CAMSAP2: variants seen among roughly 807,000 people sequenced by gnomAD.
The protein encoded by CAMSAP2 is calmodulin regulated spectrin associated protein family member 2.
CAMSAP2 carries 26 observed loss-of-function variants against 146.1 expected under a neutral mutation model. That is an observed-to-expected ratio of 0.18 (90% CI 0.13 to 0.25). CAMSAP2 has a LOEUF of 0.25. Among genes scored for constraint, CAMSAP2 ranks in the 10% least tolerant of loss-of-function variants. CAMSAP2 has a pLI of 1.00. For synonymous variants in CAMSAP2, 499 were observed against 596.6 expected (o/e 0.84, Z 2.38); for missense variants, 1,381 against 1,759.3 (o/e 0.78, Z 3.85).
intron 1 of CAMSAP2, among the ~76,000 whole-genome samples, chr1:200,754,771 A>G (rs1263260563): frequency 6.6e-6 from 1 of 151,582 alleles, no homozygotes; most frequent in Non-Finnish European, 1.5e-5. Flanking sequence ...TTTAGTAGAG[A>G]CGGGGTTTCA....
intron 1 of CAMSAP2, among the ~76,000 whole-genome samples, chr1:200,759,911 A>C (rs185448295): frequency 1.4e-3 from 209 of 152,332 alleles, no homozygotes; most frequent in Admixed American, 2.5e-3. Flanking sequence ...AAAACTTGTA[A>C]AACAATGAGA....
At chr1:200,798,316 A>T (rs1316589688) in intron 2 of CAMSAP2, among the ~76,000 whole-genome samples, 4 of 122,616 alleles carry the variant, frequency 3.3e-5, no homozygotes, top group Non-Finnish European at 6.5e-5. Flanking sequence ...ATGTTCTTCC[A>T]TTTGTTTGTA....
At chr1:200,830,685 A>G (rs560670656) in intron 4 of CAMSAP2, among the ~76,000 whole-genome samples, 4 of 152,312 alleles carry the variant, frequency 2.6e-5, no homozygotes, top group African/African-American at 9.6e-5. Context: ...CTTAGCTGCA[A>G]AGTGAGGAAT....
chr1:200,759,568 C>T (rs979594128), intron 1 of CAMSAP2, among the ~76,000 whole-genome samples: 6 of 152,192 alleles, frequency 3.9e-5, no homozygotes, highest in South Asian at 2.1e-4. Context: ...TGAGCCACCG[C>T]GCCCAGCTGC....
rs11342306 is a variant in CAMSAP2, at chr1:200,750,627, C to CT, written c.140-10198dup. Among the ~76,000 whole-genome samples the CT allele has an allele frequency of 8.2e-4, 117 of 143,062 alleles. 1 individual carries two copies. The highest frequency in any genetic ancestry group is 3.6e-3 in the South Asian group (16 of 4,498). 93.9% of individuals were successfully genotyped at this position (143,062 alleles called of 152,430 possible). A position where few individuals can be genotyped will look rare whatever the true frequency, so the allele number is the denominator to read the frequency against. The stretch of plus-strand genomic sequence containing the variant: ...GAAAGAGATAGATAGATAGATACAT[C>CT]TTTTTTTTTTTTTTGAGACAGAGTT... On this transcript the variant is annotated intron_variant, in intron 1 of 16. Transcript: ENST00000358823.
At chr1:200,808,675 A>G (rs1666244994) in intron 3 of CAMSAP2, among the ~76,000 whole-genome samples, 1 of 152,220 alleles carries the variant, frequency 6.6e-6, no homozygotes, top group Non-Finnish European at 1.5e-5. Flanking sequence ...TTGAGAAACT[A>G]TGCAACCTTC....
At chr1:200,780,983 T>C (rs1030535370) in intron 2 of CAMSAP2, among the ~76,000 whole-genome samples, 8 of 152,222 alleles carry the variant, frequency 5.3e-5, no homozygotes, top group Admixed American at 3.9e-4. Context: ...TTTCTTCTAA[T>C]AAAACTAGCG....
chr1:200,772,534 A>G (rs1002036883), intron 2 of CAMSAP2, among the ~76,000 whole-genome samples: 10 of 152,182 alleles, frequency 6.6e-5, no homozygotes. Flanking sequence ...GCTTGAACCC[A>G]GGAGGCAGAG....
At chr1:200,821,709 T>C (rs768315653) in intron 4 of CAMSAP2, among the ~76,000 whole-genome samples, 1 of 152,192 alleles carries the variant, frequency 6.6e-6, no homozygotes, top group African/African-American at 2.4e-5. Context: ...TCTTTCATAA[T>C]AATTTACTTG....
intron 14 of CAMSAP2, among the ~76,000 whole-genome samples, chr1:200,855,630 TC>T (rs1027148854): frequency 1.4e-4 from 21 of 152,114 alleles, no homozygotes; most frequent in Non-Finnish European, 2.8e-4. Context: ...GGAGTCTTTC[TC>T]CATTGCCCAG....
chr1:200,835,343 A>G (rs1667158692), intron 6 of CAMSAP2, among the ~76,000 whole-genome samples: 1 of 152,234 alleles, frequency 6.6e-6, no homozygotes, highest in Admixed American at 6.5e-5. Context: ...TAACTTTTAG[A>G]ACATTGCAGG....
chr1:200,781,584 C>T (rs1014275635), intron 2 of CAMSAP2, among the ~76,000 whole-genome samples: 2 of 151,982 alleles, frequency 1.3e-5, no homozygotes, highest in African/African-American at 4.8e-5. Context: ...CTCTGTTGCT[C>T]AGCTTGAAGT....
chr1:200,767,761 A>G (rs1362671792), intron 2 of CAMSAP2, among the ~76,000 whole-genome samples: 1 of 152,306 alleles, frequency 6.6e-6, no homozygotes, highest in East Asian at 1.9e-4. Context: ...GTTGTTGAAC[A>G]GGGTTTTCTT....
At chr1:200,740,789 C>G (rs1329142846) in intron 1 of CAMSAP2, among the ~76,000 whole-genome samples, 1 of 152,054 alleles carries the variant, frequency 6.6e-6, no homozygotes, top group African/African-American at 2.4e-5. Context: ...AAAGGGCCTC[C>G]CGTTATGATT....
intron 2 of CAMSAP2, among the ~76,000 whole-genome samples, chr1:200,802,405 T>TAAAGATAAATGTAAA: frequency 6.6e-6 from 1 of 152,232 alleles, no homozygotes; most frequent in Non-Finnish European, 1.5e-5. Flanking sequence ...GTGTTTTACT[T>TAAAGATAAATGTAAA]TTATCTCCAT....
intron 9 of CAMSAP2, 117 bp downstream of exon 9, chr1:200,847,409 GT>G: frequency 8.1e-6 from 6 of 740,886 alleles, no homozygotes; most frequent in East Asian, 2.8e-5. Context: ...GTGTGTGTGT[GT>G]TTTTTTGTTT....
At chr1:200,788,871 C>T (rs954500653) in intron 2 of CAMSAP2, among the ~76,000 whole-genome samples, 5 of 150,962 alleles carry the variant, frequency 3.3e-5, no homozygotes, top group South Asian at 2.1e-4. Flanking sequence ...AGGCTGGTCT[C>T]GAAATCCTGA....
In CAMSAP2 at chr1:200,849,560, C is replaced by G. The variant is rs1266132175; in HGVS notation, c.2791C>G (p.Arg931Gly). The change falls in exon 11 of 17, where the codon CGA becomes GGA. Residue 931 changes from arginine to glycine, a missense_variant. By Grantham distance (125) the Arg-to-Gly change is moderately radical. Coordinates refer to ENST00000358823, the MANE Select transcript of CAMSAP2 (RefSeq NM_203459.4). The surrounding 1 kb of genome is among the most constrained non-coding windows in gnomAD (Gnocchi z 6.3). ...PPQPSPQKQI[R>G]DFKPSKQAGL... ...ACAACCCTCTCCACAGAAACAGATT[C>G]GAGATTTTAAGCCTTCTAAGCAGGC... 1.9e-6 allele frequency: 3 copies of G among 1,614,146 alleles called. No individual in the cohort carries two copies. Among genetic ancestry groups the G allele is most frequent in the South Asian group, 1.1e-5 (1 of 91,082 alleles).
Position 200,842,084 on chromosome 1 carries a change from G to A in CAMSAP2, c.1018G>A (p.Gly340Arg), listed in dbSNP as rs908306283. Residue 340 changes from glycine (G) to arginine (R), a missense_variant, in exon 7 of 17, where the codon GGA becomes AGA. By Grantham distance (125) the Gly-to-Arg change is moderately radical. This residue lies in a region of CAMSAP2 where 447 missense variants were observed against 462.2 expected (regional missense o/e 0.97). Transcript: ENST00000358823. ...ACAGCCTCGTGTTGTTCGTCCACAAGGAGGTAATCAATCTTTTTAATTTTA... is the reference window on the plus strand; with the variant it reads ...ACAGCCTCGTGTTGTTCGTCCACAAAGAGGTAATCAATCTTTTTAATTTTA... ...FVQPRVVRPQ[G>R]AEPVKDMPSI... 6.2e-7 allele frequency: 1 copy of A among 1,610,812 alleles called. No individual in the cohort carries two copies. The highest frequency in any genetic ancestry group is 8.5e-7 in the Non-Finnish European group (1 of 1,177,062).
Sources: allele counts gnomAD v4.1 joint callset (sites outside exome capture counted in the v4.1 genomes callset), GRCh38; gene constraint gnomAD v4.1.1; regional missense constraint gnomAD v4.1.1; non-coding constraint Gnocchi (gnomAD v3.1); transcripts MANE v1.5; gene names NCBI Gene and HGNC (gene_info 2026-07-23, HGNC 2026-07-21).